Variants in ARIH2 observed in about 807,000 individuals in gnomAD.
ARIH2 encodes the protein E3 ubiquitin-protein ligase ARIH2.
In ARIH2, 12 loss-of-function variants were observed where a neutral mutation model predicts 79.8. The observed-to-expected ratio is 0.15, with a 90% CI of 0.10 to 0.24. The LOEUF is 0.24. ARIH2 is among the 10% of genes least tolerant of loss of function. The pLI is 1.00. For synonymous variants in ARIH2, 224 were observed against 213.9 expected (o/e 1.05, Z -0.41); for missense variants, 301 against 618.3 (o/e 0.49, Z 5.44).
At chr3:48,958,708 CA>C (rs1257716358) in intron 3 of ARIH2, among the ~76,000 whole-genome samples, 1 of 150,004 alleles carries the variant, frequency 6.7e-6, no homozygotes, top group East Asian at 2.0e-4. Flanking sequence ...GACTCCATCT[CA>C]AAAAAAAGAA....
intron 4 of ARIH2, among the ~76,000 whole-genome samples, chr3:48,963,889 A>G (rs189994585): frequency 9.9e-5 from 15 of 152,000 alleles, no homozygotes; most frequent in African/African-American, 3.4e-4. Flanking sequence ...TCTTCTCCCC[A>G]TTTTTTATTG....
chr3:48,922,760 T>C lies in ARIH2; in HGVS notation c.-149T>C, dbSNP rs1347843046. ...CTTTTCATTTTAGATGGAAATCATA[T>C]TATGTAGAATACTTGGGTGACATCT... On this transcript the variant is annotated 5_prime_UTR_variant, in exon 2 of 16. Coordinates refer to ENST00000356401, the MANE Select transcript of ARIH2 (RefSeq NM_006321.4). The C allele has an allele frequency of 6.6e-6, 1 of 152,148 alleles. No individual in the cohort carries two copies. Among genetic ancestry groups the C allele is most frequent in the African/African-American group, 2.4e-5 (1 of 41,460 alleles). 9.4% of individuals were successfully genotyped at this position (152,148 alleles called of 1,614,324 possible).
chr3:48,964,146 T>G (rs918317333), intron 4 of ARIH2, among the ~76,000 whole-genome samples: 1 of 151,966 alleles, frequency 6.6e-6, no homozygotes, highest in Non-Finnish European at 1.5e-5. Context: ...TCCTCCTGCT[T>G]CAGTCTCCCA....
At chr3:48,934,578 G>T in intron 3 of ARIH2, 1 of 985,376 alleles carries the variant, frequency 1.0e-6, no homozygotes, top group African/African-American at 1.7e-5. Context: ...TATCTAAGTA[G>T]AACTTAGGTT....
intron 11 of ARIH2, among the ~76,000 whole-genome samples, chr3:48,976,100 C>T (rs977897427): frequency 2.0e-5 from 3 of 149,520 alleles, no homozygotes; most frequent in South Asian, 2.1e-4. Flanking sequence ...TTAGTAGAGA[C>T]GGGGTCTAAC....
chr3:48,981,810 AC>A, intron 14 of ARIH2, 82 bp downstream of exon 14: 1 of 1,196,922 alleles, frequency 8.4e-7, no homozygotes, highest in Non-Finnish European at 1.2e-6. Context: ...GAGAGTGAGG[AC>A]CAGACCTTGG....
chr3:48,922,071 A>G (rs2084901868), intron 1 of ARIH2, among the ~76,000 whole-genome samples: 1 of 152,166 alleles, frequency 6.6e-6, no homozygotes, highest in Non-Finnish European at 1.5e-5. Flanking sequence ...CATCTACATA[A>G]CATTTAGGAT....
At chr3:48,941,718 G>T (rs1426868907) in intron 3 of ARIH2, among the ~76,000 whole-genome samples, 1 of 150,208 alleles carries the variant, frequency 6.7e-6, no homozygotes, top group Non-Finnish European at 1.5e-5. Context: ...TCAGCTTCCC[G>T]AGTAGCTGGG....
At chr3:48,947,655 G>A (rs2089375485) in intron 3 of ARIH2, among the ~76,000 whole-genome samples, 1 of 152,190 alleles carries the variant, frequency 6.6e-6, no homozygotes, top group African/African-American at 2.4e-5. Flanking sequence ...ACTGTTTGAT[G>A]CAGTAATATA....
intron 1 of ARIH2, chr3:48,919,321 C>G (rs1399893430): frequency 1.3e-6 from 1 of 789,318 alleles, no homozygotes; most frequent in Non-Finnish European, 1.7e-6. Context: ...TCGGGGCTCA[C>G]CACTCGAGTC....
chr3:48,923,067 C>T (rs1422384388), intron 2 of ARIH2, among the ~76,000 whole-genome samples: 2 of 151,896 alleles, frequency 1.3e-5, no homozygotes, highest in Admixed American at 6.6e-5. Context: ...ATTAGCCGGG[C>T]GTAGTGGCGG....
intron 4 of ARIH2, among the ~76,000 whole-genome samples, chr3:48,963,703 C>T (rs577787563): frequency 6.6e-6 from 1 of 152,320 alleles, no homozygotes; most frequent in South Asian, 2.1e-4. Flanking sequence ...CCACTTTACA[C>T]GCTCAGCAGT....
chr3:48,973,847 T>G, intron 9 of ARIH2, 31 bp downstream of exon 9: 1 of 1,545,542 alleles, frequency 6.5e-7, no homozygotes, highest in Middle Eastern at 1.7e-4. Context: ...CTCATGGATT[T>G]GCCCTCCTTA....
At chr3:48,981,829 G>C in intron 14 of ARIH2, 101 bp downstream of exon 14, 1 of 944,304 alleles carries the variant, frequency 1.1e-6, no homozygotes, top group Non-Finnish European at 1.6e-6. Flanking sequence ...TGGTCATTGG[G>C]AGGGCAAAGT....
At chr3:48,978,471 A>G (rs1576549358) in intron 11 of ARIH2, among the ~76,000 whole-genome samples, 1 of 67,554 alleles carries the variant, frequency 1.5e-5, no homozygotes, top group Non-Finnish European at 2.9e-5. Context: ...GTGTGTATAT[A>G]TATATATATA....
intron 3 of ARIH2, among the ~76,000 whole-genome samples, chr3:48,948,579 G>A (rs1014303174): frequency 6.6e-6 from 1 of 152,082 alleles, no homozygotes; most frequent in African/African-American, 2.4e-5. Context: ...GTGAGCCACC[G>A]CGCCCGGCCG....
At chr3:48,980,152 A>G in intron 12 of ARIH2, 1 of 476,568 alleles carries the variant, frequency 2.1e-6, no homozygotes, top group Non-Finnish European at 3.7e-6. Context: ...AGAAGGGTAG[A>G]GCGATCTGGC....
At position 48,924,468 on chromosome 3, in the gene ARIH2, T is replaced by C. The variant is rs74967731; in HGVS notation, c.-98+1657T>C. Among the ~76,000 whole-genome samples, 888 of 152,072 alleles carry C rather than the reference T, an allele frequency of 5.8e-3. 4 individuals are homozygous for C. Among genetic ancestry groups the C allele is most frequent in the Non-Finnish European group, 8.7e-3 (591 of 67,982 alleles). Reference sequence around the variant, plus strand: ...CTTCCAGGCCCAAGCAGTTCTTCGATGTAGCCAGGACTACAGACGCATGAC... The same window carrying C: ...CTTCCAGGCCCAAGCAGTTCTTCGACGTAGCCAGGACTACAGACGCATGAC... On this transcript the variant is annotated intron_variant, in intron 2 of 15. Transcript: ENST00000356401.
intron 3 of ARIH2, among the ~76,000 whole-genome samples, chr3:48,956,391 T>TGCCTCC (rs1053508390): frequency 2.0e-5 from 3 of 147,306 alleles, no homozygotes; most frequent in African/African-American, 7.5e-5. Flanking sequence ...CGCCTGCCTC[T>TGCCTCC]GCCTCCCAAA....
Sources: allele counts gnomAD v4.1 joint callset (sites outside exome capture counted in the v4.1 genomes callset), GRCh38; gene constraint gnomAD v4.1.1; transcripts MANE v1.5; gene names NCBI Gene and HGNC (gene_info 2026-07-23, HGNC 2026-07-21).